The following HDX variants were observed in gnomAD, a reference collection of about 807,000 sequenced individuals.
HDX encodes highly divergent homeobox.
Under a neutral mutation model 45.2 loss-of-function variants are expected in HDX, and 19 were observed. The observed-to-expected ratio is 0.42, with a 90% CI of 0.29 to 0.62. The LOEUF (loss-of-function observed/expected upper bound fraction) is 0.62. Ranked by LOEUF, HDX falls within the 20% of genes least tolerant of loss-of-function variation. HDX has a pLI of 0.20. For synonymous variants in HDX, 188 were observed against 172.8 expected (o/e 1.09, Z -0.69); for missense variants, 532 against 493.9 (o/e 1.08, Z -0.73).
chrX:84,337,283 A>C (rs2036987074), intron 7 of HDX, among the ~76,000 whole-genome samples: 1 of 111,346 alleles, frequency 9.0e-6, no homozygotes, highest in Non-Finnish European at 1.9e-5. Context: ...GTGTGGATAC[A>C]TATAACATTA....
At chrX:84,405,588 C>CTTTTTTT (rs55758874) in intron 5 of HDX, among the ~76,000 whole-genome samples, 5 of 58,195 alleles carry the variant, frequency 8.6e-5, no homozygotes, top group Non-Finnish European at 1.6e-4. Flanking sequence ...GGATTTTCTG[C>CTTTTTTT]TTTTTTTTTT....
intron 6 of HDX, among the ~76,000 whole-genome samples, chrX:84,348,225 T>C (rs2037250345): frequency 8.9e-6 from 1 of 111,832 alleles, no homozygotes; most frequent in African/African-American, 3.2e-5. Context: ...GTTCAGAAAT[T>C]ATTTCCACAG....
intron 5 of HDX, among the ~76,000 whole-genome samples, chrX:84,405,463 G>C (rs6623016): frequency 0.26 from 28,633 of 109,040 alleles, 2,983 homozygotes; most frequent in East Asian, 0.68. Flanking sequence ...AAAACTATCT[G>C]TGAACAATAT....
At chrX:84,345,147 A>T (rs2037170181) in intron 6 of HDX, among the ~76,000 whole-genome samples, 1 of 111,668 alleles carries the variant, frequency 9.0e-6, no homozygotes, top group Non-Finnish European at 1.9e-5. Context: ...AAATCATTTT[A>T]GAGTAATGGG....
chrX:84,360,453 T>C (rs1335264309), intron 6 of HDX, among the ~76,000 whole-genome samples: 1 of 112,040 alleles, frequency 8.9e-6, no homozygotes, highest in Non-Finnish European at 1.9e-5. Flanking sequence ...ATTTATTTAA[T>C]ATGTACAATT....
Position 84,340,635 on chromosome X carries a change from C to T in HDX, c.1660+3615G>A, listed in dbSNP as rs749050395. ...AGATGATATGATTCACTTAATCAAA[C>T]GAATCGTATTAGTATTCTCCACTAG... On this transcript the variant is annotated intron_variant, in intron 7 of 10. Coordinates refer to ENST00000373177, the MANE Select transcript of HDX (RefSeq NM_001177479.2). Among the ~76,000 whole-genome samples, 15 of 110,922 alleles carry T rather than the reference C, an allele frequency of 1.4e-4. No individual in the cohort carries two copies. The East Asian group carries it at 2.0e-3, about 15-fold the overall frequency.
At chrX:84,473,379 C>A (rs1433792622) in intron 3 of HDX, among the ~76,000 whole-genome samples, 1 of 105,072 alleles carries the variant, frequency 9.5e-6, no homozygotes, top group Non-Finnish European at 2.0e-5. Flanking sequence ...AGTGATGAGT[C>A]TACAAAAAAA....
At chrX:84,435,050 T>A (rs2039591389) in intron 5 of HDX, among the ~76,000 whole-genome samples, 1 of 111,262 alleles carries the variant, frequency 9.0e-6, no homozygotes, top group Admixed American at 9.6e-5. Context: ...TCCTTGGGTC[T>A]TCTCTATTTC....
At chrX:84,478,930 C>A (rs934379129) in intron 2 of HDX, among the ~76,000 whole-genome samples, 13 of 111,785 alleles carry the variant, frequency 1.2e-4, no homozygotes, top group African/African-American at 4.2e-4. Flanking sequence ...ATAACGCATT[C>A]TTTCCAATAT....
intron 5 of HDX, among the ~76,000 whole-genome samples, chrX:84,400,848 AAG>A (rs972756415): frequency 1.8e-5 from 2 of 111,327 alleles, no homozygotes; most frequent in African/African-American, 3.3e-5. Context: ...CTAGTACCAA[AAG>A]AGACATATAG....
chrX:84,436,031 A>G (rs1435282508), intron 5 of HDX, among the ~76,000 whole-genome samples: 24 of 85,340 alleles, frequency 2.8e-4, no homozygotes, highest in East Asian at 3.5e-4. Context: ...ACCAACCCAA[A>G]TGTCCAACAA....
chrX:84,381,772 C>T (rs2038194184), intron 5 of HDX, among the ~76,000 whole-genome samples: 1 of 111,157 alleles, frequency 9.0e-6, no homozygotes, highest in African/African-American at 3.3e-5. Context: ...CTGGAAACAA[C>T]CTTTAGGACA....
chrX:84,376,113 A>G (rs1039279369), intron 5 of HDX, among the ~76,000 whole-genome samples: 1 of 112,242 alleles, frequency 8.9e-6, no homozygotes, highest in Non-Finnish European at 1.9e-5. Context: ...GCTCCCAGAC[A>G]TTTGTATACA....
intron 4 of HDX, among the ~76,000 whole-genome samples, chrX:84,458,354 C>G (rs1031752799): frequency 9.0e-6 from 1 of 111,560 alleles, no homozygotes. Context: ...CAAGATGAAT[C>G]TTTTTCTGTA....
At chrX:84,497,235 TAGTACAAGGGGATTTC>T (rs201427947) in intron 1 of HDX, among the ~76,000 whole-genome samples, 1,149 of 111,460 alleles carry the variant, frequency 0.01, 23 homozygotes, top group African/African-American at 0.037. Flanking sequence ...GGAAACAAAT[TAGTACAAGGGGATTTC>T]AACACAACAA....
In HDX at chrX:84,502,432, C is replaced by G. The variant is rs748300613; in HGVS notation, c.-200G>C. On this transcript the variant is annotated 5_prime_UTR_variant, in exon 1 of 11. Transcript: ENST00000373177. ...GGATTCAGCGAGATTTTTCCTGGGT[C>G]TCCAGTGCCGCTTCAGACAATGAAA... 1 of 111,665 alleles carries G rather than the reference C, an allele frequency of 9.0e-6. No individual in the cohort carries two copies. The highest frequency in any genetic ancestry group is 1.9e-5 in the Non-Finnish European group (1 of 53,133). The allele number at this position is 111,665 out of a possible 1,213,427, so 9.2% of individuals were successfully genotyped here. A position where few individuals can be genotyped will look rare whatever the true frequency, so the allele number is the denominator to read the frequency against.
chrX:84,373,012 G>T (rs185115091), intron 5 of HDX, among the ~76,000 whole-genome samples: 8 of 111,455 alleles, frequency 7.2e-5, no homozygotes, highest in Non-Finnish European at 1.5e-4. Context: ...TCTAAATATA[G>T]AAATATTTTA....
At chrX:84,478,981 A>T (rs905743949) in intron 2 of HDX, among the ~76,000 whole-genome samples, 24 of 112,485 alleles carry the variant, frequency 2.1e-4, no homozygotes, top group African/African-American at 7.4e-4. Context: ...GTTTTTGTTT[A>T]CAAAGTGTTG....
chrX:84,379,150 G>T (rs1341451984), intron 5 of HDX, among the ~76,000 whole-genome samples: 5 of 109,104 alleles, frequency 4.6e-5, no homozygotes. Flanking sequence ...GATCAAATTT[G>T]ATTTTATATA....
Sources: gnomAD v4.1 joint callset for allele counts (sites outside exome capture counted in the v4.1 genomes callset) on GRCh38, gnomAD v4.1.1 for gene constraint, MANE v1.5 for transcripts, NCBI Gene and HGNC (gene_info 2026-07-23, HGNC 2026-07-21) for gene names.